Variants in ST8SIA1 observed in about 807,000 individuals in gnomAD.
ST8SIA1 encodes the protein ST8 alpha-N-acetyl-neuraminide alpha-2,8-sialyltransferase 1, also known as alpha-N-acetylneuraminide alpha-2,8-sialyltransferase.
In ST8SIA1, 16 loss-of-function variants were observed where a neutral mutation model predicts 35.9. The observed-to-expected ratio is 0.45, with a 90% CI of 0.30 to 0.68. ST8SIA1 has a LOEUF of 0.68. ST8SIA1 is among the 30% of genes least tolerant of loss of function. ST8SIA1 has a pLI of 0.09. For missense variants in ST8SIA1, 383 were observed against 453.6 expected, an observed-to-expected ratio of 0.84 and a Z score of 1.41; for synonymous variants, 170 against 169.6, an observed-to-expected ratio of 1.00 and a Z score of -0.02.
At chr12:22,264,503 C>T (rs996870646) in intron 2 of ST8SIA1, among the ~76,000 whole-genome samples, 8 of 152,272 alleles carry the variant, frequency 5.3e-5, no homozygotes, top group Admixed American at 2.0e-4. Context: ...TAAACTAACA[C>T]GTATTGGCTT....
At chr12:22,229,522 G>A (rs944643985) in intron 4 of ST8SIA1, among the ~76,000 whole-genome samples, 4 of 151,252 alleles carry the variant, frequency 2.6e-5, no homozygotes, top group East Asian at 2.0e-4. Context: ...AGGCCAAAGT[G>A]GGAGGATTGC....
chr12:22,268,623 A>AC (rs1555158656), intron 2 of ST8SIA1: 2 of 152,014 alleles, frequency 1.3e-5, no homozygotes, highest in Non-Finnish European at 1.5e-5. Context: ...AGTTGAGGGG[A>AC]GGGGGGGAAG....
chr12:22,223,494 T>A (rs1435131786), intron 4 of ST8SIA1: 2 of 998,196 alleles, frequency 2.0e-6, no homozygotes, highest in Non-Finnish European at 2.4e-6. Context: ...GCTGTGATGC[T>A]GGCGCAGCCA....
intron 2 of ST8SIA1, among the ~76,000 whole-genome samples, chr12:22,271,954 T>C (rs1203079146): frequency 6.6e-6 from 1 of 152,206 alleles, no homozygotes. Context: ...TTATTACCAT[T>C]ATTTTTATTC....
intron 1 of ST8SIA1, among the ~76,000 whole-genome samples, chr12:22,299,997 A>AT: frequency 6.6e-6 from 1 of 152,156 alleles, no homozygotes; most frequent in Non-Finnish European, 1.5e-5. Context: ...GGCCTAACAG[A>AT]TTTTACATTT....
chr12:22,285,148 G>A (rs3782525), intron 2 of ST8SIA1, among the ~76,000 whole-genome samples: 16,327 of 152,232 alleles, frequency 0.11, 1,123 homozygotes, highest in Middle Eastern at 0.24. Context: ...GGACTTCTTC[G>A]CAACTAGTGT....
At chr12:22,325,949 T>A (rs1866673030) in intron 1 of ST8SIA1, 1 of 683,358 alleles carries the variant, frequency 1.5e-6, no homozygotes, top group South Asian at 1.6e-5. Context: ...AAAGGGAAGA[T>A]TCGCATCCCA....
At chr12:22,228,301 C>T (rs547168773) in intron 4 of ST8SIA1, among the ~76,000 whole-genome samples, 1 of 152,226 alleles carries the variant, frequency 6.6e-6, no homozygotes, top group Non-Finnish European at 1.5e-5. Flanking sequence ...TATTCTGGTT[C>T]AGCAGGCTTA....
chr12:22,279,434 C>G lies in ST8SIA1; in HGVS notation c.381+7715G>C, dbSNP rs552408457. Among the ~76,000 whole-genome samples, 13 of 152,300 alleles carry G rather than the reference C, an allele frequency of 8.5e-5. No individual in the cohort carries two copies. The South Asian group carries it at 2.5e-3, about 29-fold the overall frequency. ...TTGGCCCCAGTGCTAGGATGCTCAC[C>G]TGGTTCACTTGTGTTCCTGCTGTGA... On this transcript the variant is annotated intron_variant, in intron 2 of 4. Coordinates refer to ENST00000396037, the MANE Select transcript of ST8SIA1 (RefSeq NM_003034.4).
Position 22,223,908 on chromosome 12 carries a change from T to G in ST8SIA1, c.585-21870A>C, listed in dbSNP as rs74068740. ...ATATCTTCTTTTGCTTTCTACATCT[T>G]TATCCTTTATACATTGCTAGATTAT... On this transcript the variant is annotated intron_variant, in intron 4 of 4. Transcript: ENST00000396037. 3.9e-3 allele frequency: 3,180 copies of G among 811,326 alleles called. 95 individuals carry two copies. In the African/African-American group the frequency reaches 0.054, roughly 14 times the overall value. The allele number at this position is 811,326 out of a possible 1,614,324, so 50.3% of individuals were successfully genotyped here. A position where few individuals can be genotyped will look rare whatever the true frequency, so the allele number is the denominator to read the frequency against.
At chr12:22,253,895 C>A (rs979812757) in intron 3 of ST8SIA1, among the ~76,000 whole-genome samples, 1 of 152,192 alleles carries the variant, frequency 6.6e-6, no homozygotes, top group African/African-American at 2.4e-5. Flanking sequence ...TTAGCCCCCA[C>A]AAGTACATGG....
intron 4 of ST8SIA1, among the ~76,000 whole-genome samples, chr12:22,224,252 GACT>G (rs1185799236): frequency 1.3e-5 from 2 of 151,400 alleles, no homozygotes; most frequent in African/African-American, 2.4e-5. Context: ...TATCTCCTGA[GACT>G]ACAATATTTT....
At chr12:22,213,298 C>A (rs1324035118) in intron 4 of ST8SIA1, among the ~76,000 whole-genome samples, 1 of 152,178 alleles carries the variant, frequency 6.6e-6, no homozygotes, top group African/African-American at 2.4e-5. Flanking sequence ...TAAATTCTTT[C>A]TCTACTATAA....
intron 2 of ST8SIA1, among the ~76,000 whole-genome samples, chr12:22,256,552 A>G (rs904796577): frequency 6.6e-6 from 1 of 152,214 alleles, no homozygotes; most frequent in African/African-American, 2.4e-5. Flanking sequence ...TTCCAAAAGA[A>G]CAAATCCAAT....
chr12:22,304,105 A>C (rs1198309509), intron 1 of ST8SIA1, among the ~76,000 whole-genome samples: 1 of 152,102 alleles, frequency 6.6e-6, no homozygotes, highest in Non-Finnish European at 1.5e-5. Context: ...TTCCTAAATC[A>C]AGCCCTTTCT....
Position 22,199,777 on chromosome 12 carries a change from T to C in ST8SIA1, c.*1775A>G, listed in dbSNP as rs1314518560. The C allele has an allele frequency of 6.6e-6, 1 of 152,232 alleles. No individual in the cohort carries two copies. The highest frequency in any genetic ancestry group is 1.5e-5 in the Non-Finnish European group (1 of 68,042). The allele number at this position is 152,232 out of a possible 1,614,324, so 9.4% of individuals were successfully genotyped here. On this transcript the variant is annotated 3_prime_UTR_variant, in exon 5 of 5. Transcript: ENST00000396037. ...TTAACCCACAGAAAATACCAGCCAT[T>C]ATTGTTTACGTGGTAACATGGTATG...
At chr12:22,307,276 C>T (rs1014940790) in intron 1 of ST8SIA1, among the ~76,000 whole-genome samples, 1 of 152,154 alleles carries the variant, frequency 6.6e-6, no homozygotes, top group African/African-American at 2.4e-5. Context: ...CACGGGGACT[C>T]AGCCATTTCA....
chr12:22,205,446 G>C (rs1471933574), intron 4 of ST8SIA1, among the ~76,000 whole-genome samples: 1 of 152,056 alleles, frequency 6.6e-6, no homozygotes, highest in African/African-American at 2.4e-5. Context: ...AAGGACAAAA[G>C]TATAGCACAT....
At chr12:22,232,657 G>T (rs1039740096) in intron 4 of ST8SIA1, among the ~76,000 whole-genome samples, 1 of 152,062 alleles carries the variant, frequency 6.6e-6, no homozygotes, top group African/African-American at 2.4e-5. Flanking sequence ...TAAGCCCTGA[G>T]ACTGGATAAA....
Sources: gnomAD v4.1 joint callset for allele counts (sites outside exome capture counted in the v4.1 genomes callset) on GRCh38, gnomAD v4.1.1 for gene constraint, MANE v1.5 for transcripts, NCBI Gene and HGNC (gene_info 2026-07-23, HGNC 2026-07-21) for gene names.